The following IL15 variants were observed in gnomAD, a reference collection of about 807,000 sequenced individuals.
The protein encoded by IL15 is interleukin 15, also known as interleukin-15.
In IL15, 11 loss-of-function variants were observed where a neutral mutation model predicts 19.6. The observed-to-expected ratio is 0.56, with a 90% CI of 0.35 to 0.93. IL15 has a LOEUF of 0.93. IL15 is among the 40% of genes least tolerant of loss of function. The probability of loss-of-function intolerance (pLI) is 0.01; values close to 1 mark genes in which losing one functional copy is unlikely to be tolerated. For synonymous variants in IL15, 58 were observed against 59.6 expected (o/e 0.97, Z 0.12); for missense variants, 197 against 186.5 (o/e 1.06, Z -0.33).
At chr4:141,690,297 G>T (rs1728867744) in intron 2 of IL15, among the ~76,000 whole-genome samples, 1 of 152,186 alleles carries the variant, frequency 6.6e-6, no homozygotes, top group Non-Finnish European at 1.5e-5. Context: ...AGCGCAGAAA[G>T]GGGCTCCCAC....
intron 2 of IL15, among the ~76,000 whole-genome samples, chr4:141,692,096 G>A (rs1728931298): frequency 6.6e-6 from 1 of 152,228 alleles, no homozygotes; most frequent in Non-Finnish European, 1.5e-5. Context: ...AACACCATGT[G>A]GAAACCACCA....
At chr4:141,646,514 T>G (rs1324182747) in intron 1 of IL15, among the ~76,000 whole-genome samples, 2 of 152,130 alleles carry the variant, frequency 1.3e-5, no homozygotes, top group Non-Finnish European at 2.9e-5. Flanking sequence ...AATCCTTGAC[T>G]GATGTACTTC....
chr4:141,662,711 A>T (rs1727834768), intron 2 of IL15, among the ~76,000 whole-genome samples: 1 of 151,166 alleles, frequency 6.6e-6, no homozygotes, highest in South Asian at 2.1e-4. Context: ...TCATCAACCT[A>T]TTTTTTTTCT....
At chr4:141,693,151 G>T (rs1337609809) in intron 2 of IL15, among the ~76,000 whole-genome samples, 1 of 151,928 alleles carries the variant, frequency 6.6e-6, no homozygotes, top group African/African-American at 2.4e-5. Flanking sequence ...AGAAGGCAAA[G>T]GGGAAGCAGG....
chr4:141,668,388 G>A (rs1246284409), intron 2 of IL15, among the ~76,000 whole-genome samples: 2 of 152,200 alleles, frequency 1.3e-5, no homozygotes, highest in African/African-American at 4.8e-5. Context: ...TATCTTCCAT[G>A]CTCCCTGTGG....
rs139972597 is a variant in IL15 at position 141,722,491 on chromosome 4, T to C, written c.195+483T>C. On this transcript the variant is annotated intron_variant, in intron 5 of 7. Transcript: ENST00000320650. Reference sequence around the variant, plus strand: ...CAAAGTTCTGAAAACTAAATTGTCATTGGAATCACAGCATTAAAAAATAGG... The same window carrying C: ...CAAAGTTCTGAAAACTAAATTGTCACTGGAATCACAGCATTAAAAAATAGG... Among the ~76,000 whole-genome samples the C allele has an allele frequency of 4.1e-4, 63 of 152,260 alleles. No individual in the cohort carries two copies. The East Asian group carries it at 0.012, about 28-fold the overall frequency.
chr4:141,651,054 T>C (rs1175701652), intron 1 of IL15, among the ~76,000 whole-genome samples: 2 of 151,978 alleles, frequency 1.3e-5, no homozygotes, highest in Non-Finnish European at 2.9e-5. Context: ...ATGGGAATGA[T>C]GGTAGTCTGT....
intron 2 of IL15, among the ~76,000 whole-genome samples, chr4:141,660,168 G>A (rs1003158844): frequency 1.3e-5 from 2 of 152,166 alleles, no homozygotes; most frequent in South Asian, 2.1e-4. Context: ...TGGGCTCCAT[G>A]CTAAAGAAAC....
At chr4:141,712,351 C>T (rs971044286) in intron 2 of IL15, among the ~76,000 whole-genome samples, 2 of 152,058 alleles carry the variant, frequency 1.3e-5, no homozygotes, top group African/African-American at 2.4e-5. Context: ...CCTGAGGAAG[C>T]TGTCCATTGT....
intron 2 of IL15, among the ~76,000 whole-genome samples, chr4:141,669,808 T>A (rs533568058): frequency 6.9e-4 from 105 of 151,664 alleles, no homozygotes; most frequent in Admixed American, 4.1e-3. Flanking sequence ...TTTTAATATA[T>A]ATTTAAAATG....
At chr4:141,718,576 T>G (rs893821470) in intron 2 of IL15, 14 of 152,330 alleles carry the variant, frequency 9.2e-5, no homozygotes, top group Non-Finnish European at 1.6e-4. Flanking sequence ...AATACCTAAA[T>G]AAGTGTTAGC....
At chr4:141,711,619 G>A (rs774834061) in intron 2 of IL15, among the ~76,000 whole-genome samples, 14 of 151,976 alleles carry the variant, frequency 9.2e-5, no homozygotes, top group Non-Finnish European at 1.5e-4. Flanking sequence ...TCACATTTTT[G>A]CAAAATGAAT....
At chr4:141,678,390 T>G (rs571479245) in intron 2 of IL15, among the ~76,000 whole-genome samples, 1 of 152,310 alleles carries the variant, frequency 6.6e-6, no homozygotes, top group African/African-American at 2.4e-5. Flanking sequence ...ATATTTTTTT[T>G]TCTGCTTAAT....
At position 141,730,050 on chromosome 4, in the gene IL15, C is replaced by G. The variant is rs920276746; in HGVS notation, c.378+66C>G. On this transcript the variant is annotated intron_variant, in intron 7 of 7. Coordinates refer to ENST00000320650, the MANE Select transcript of IL15 (RefSeq NM_000585.5). ...TTGGGCCTGATTTGGAGAAGTCATTCATGGACAAGCAGATCCTCCTAAGGG... is the reference window on the plus strand; with the variant it reads ...TTGGGCCTGATTTGGAGAAGTCATTGATGGACAAGCAGATCCTCCTAAGGG... 5.4e-5 allele frequency: 67 copies of G among 1,250,344 alleles called. No individual in the cohort carries two copies. In the Admixed American group the frequency reaches 1.1e-3, roughly 20 times the overall value. 77.5% of individuals were successfully genotyped at this position (1,250,344 alleles called of 1,614,324 possible).
chr4:141,666,137 G>A (rs1727975306), intron 2 of IL15, among the ~76,000 whole-genome samples: 1 of 149,902 alleles, frequency 6.7e-6, no homozygotes, highest in Admixed American at 6.6e-5. Context: ...GTCTCGCTCT[G>A]TCGCCCAGGC....
Position 141,732,909 on chromosome 4 carries a change from C to A in IL15, c.*61C>A. The A allele has an allele frequency of 1.9e-6, 3 of 1,552,890 alleles. No homozygotes were observed. Among genetic ancestry groups the A allele is most frequent in the South Asian group, 1.2e-5 (1 of 80,394 alleles). On this transcript the variant is annotated 3_prime_UTR_variant, in exon 8 of 8. Coordinates refer to ENST00000320650, the MANE Select transcript of IL15 (RefSeq NM_000585.5). ...AACAAACATCACTCTGCTGCTTAGA[C>A]ATAACAAAACACTCGGCATTTCAAA... is the stretch of plus-strand genomic sequence containing the variant.
intron 5 of IL15, among the ~76,000 whole-genome samples, chr4:141,725,134 C>A (rs550046724): frequency 1.3e-5 from 2 of 152,186 alleles, no homozygotes; most frequent in African/African-American, 4.8e-5. Flanking sequence ...ACAAGTCTTG[C>A]TCAATTATTT....
At chr4:141,685,288 C>A (rs182892836) in intron 2 of IL15, among the ~76,000 whole-genome samples, 1 of 152,090 alleles carries the variant, frequency 6.6e-6, no homozygotes, top group Non-Finnish European at 1.5e-5. Context: ...GGAGAGGGTG[C>A]ATAGTTTTTA....
At chr4:141,691,275 C>T (rs1305183275) in intron 2 of IL15, among the ~76,000 whole-genome samples, 1 of 152,192 alleles carries the variant, frequency 6.6e-6, no homozygotes, top group South Asian at 2.1e-4. Context: ...CCTCCCTCAA[C>T]ATGTGGGGAT....
Sources: gnomAD v4.1 joint callset for allele counts (sites outside exome capture counted in the v4.1 genomes callset) on GRCh38, gnomAD v4.1.1 for gene constraint, MANE v1.5 for transcripts, NCBI Gene and HGNC (gene_info 2026-07-23, HGNC 2026-07-21) for gene names.